Variants in SLC6A15 observed in about 807,000 individuals in gnomAD.
The protein encoded by SLC6A15 is sodium-dependent neutral amino acid transporter B(0)AT2.
In SLC6A15, 33 loss-of-function variants were observed where a neutral mutation model predicts 68.5. The observed-to-expected ratio is 0.48, with a 90% CI of 0.37 to 0.64. The LOEUF (loss-of-function observed/expected upper bound fraction) is 0.64. Among genes scored for constraint, SLC6A15 ranks in the 30% least tolerant of loss-of-function variants. SLC6A15 has a pLI of 0.00. For synonymous variants in SLC6A15, 347 were observed against 301.0 expected (o/e 1.15, Z -1.58); for missense variants, 747 against 874.3 (o/e 0.85, Z 1.84).
rs553380283 is a variant in SLC6A15, at chr12:84,882,340, C to T, written c.756+1519G>A. 1,101 of 984,592 alleles carry T rather than the reference C, an allele frequency of 1.1e-3. 2 individuals are homozygous for T. Among genetic ancestry groups the T allele is most frequent in the Middle Eastern group, 1.5e-3 (3 of 1,936 alleles). The allele number at this position is 984,592 out of a possible 1,614,324, so 61.0% of individuals were successfully genotyped here. ...GGAAGACATACACAATTGAACAATTCGAAGTTATTTAGTCATATAATACAA... is the reference window on the plus strand; with the variant it reads ...GGAAGACATACACAATTGAACAATTTGAAGTTATTTAGTCATATAATACAA... On this transcript the variant is annotated intron_variant, in intron 5 of 11. Transcript: ENST00000266682.
intron 8 of SLC6A15, among the ~76,000 whole-genome samples, chr12:84,872,116 C>G (rs112900906): frequency 0.02 from 2,986 of 150,408 alleles, 106 homozygotes; most frequent in African/African-American, 0.067. Context: ...AAGATCGCAC[C>G]ACTGCACCCC....
In SLC6A15 at chr12:84,870,521, C is replaced by T. The variant is rs138703696; in HGVS notation, c.1452G>A (p.Thr484=). The T allele has an allele frequency of 2.7e-4, 432 of 1,585,686 alleles. 2 individuals carry two copies. In the African/African-American group the frequency reaches 4.6e-3, roughly 17 times the overall value. Residue 484 remains threonine, a synonymous_variant, in exon 9 of 12, where the codon ACG becomes ACA. Coordinates refer to ENST00000266682, the MANE Select transcript of SLC6A15 (RefSeq NM_182767.6). The stretch of plus-strand genomic sequence containing the variant: ...TCACTTTGAAAGTGTCCACAATAGG[C>T]GTGACAATCCCTTCAATGGTTCCAA... The part of the protein sequence containing the change: ...SMFGTIEGIV[T]PIVDTFKVRK...
At chr12:84,887,352 T>A (rs114145668) in intron 2 of SLC6A15, among the ~76,000 whole-genome samples, 6,189 of 152,274 alleles carry the variant, frequency 0.041, 400 homozygotes, top group African/African-American at 0.14. Context: ...AGTGAGTAAC[T>A]GTATTCAGCT....
intron 1 of SLC6A15, among the ~76,000 whole-genome samples, chr12:84,896,106 A>G (rs953851758): frequency 1.3e-5 from 2 of 152,214 alleles, no homozygotes; most frequent in East Asian, 3.9e-4. Flanking sequence ...AGCAGCATCC[A>G]TTCTTGTGAT....
At chr12:84,883,549 C>A in intron 5 of SLC6A15, 1 of 1,316,806 alleles carries the variant, frequency 7.6e-7, no homozygotes, top group Non-Finnish European at 9.7e-7. Context: ...AATTAGAGAA[C>A]TGAAACATTA....
chr12:84,898,518 A>G (rs1371938636), intron 1 of SLC6A15, among the ~76,000 whole-genome samples: 1 of 152,194 alleles, frequency 6.6e-6, no homozygotes, highest in Non-Finnish European at 1.5e-5. Flanking sequence ...GATTTTAGAA[A>G]GAGACTATCT....
intron 10 of SLC6A15, among the ~76,000 whole-genome samples, chr12:84,865,709 C>T (rs184016088): frequency 6.6e-6 from 1 of 152,262 alleles, no homozygotes; most frequent in Admixed American, 6.5e-5. Context: ...GGGAATCTTA[C>T]AATATGTAAC....
At chr12:84,875,690 A>C (rs1871495393) in intron 6 of SLC6A15, among the ~76,000 whole-genome samples, 1 of 718 alleles carries the variant, frequency 1.4e-3, no homozygotes, top group Non-Finnish European at 3.0e-3. Context: ...ATATATATAT[A>C]TATATATATG....
chr12:84,875,962 T>A (rs1458777231), intron 6 of SLC6A15, among the ~76,000 whole-genome samples: 2 of 151,644 alleles, frequency 1.3e-5, no homozygotes, highest in East Asian at 3.9e-4. Context: ...CTCAAAAAAA[T>A]TAACTAAGAA....
intron 4 of SLC6A15, among the ~76,000 whole-genome samples, chr12:84,884,775 T>G (rs572165477): frequency 6.6e-6 from 1 of 152,132 alleles, no homozygotes; most frequent in Non-Finnish European, 1.5e-5. Context: ...AAATTTGAAC[T>G]AGATTTCAGA....
chr12:84,871,927 C>A (rs1871302770), intron 8 of SLC6A15, among the ~76,000 whole-genome samples: 1 of 152,144 alleles, frequency 6.6e-6, no homozygotes, highest in Admixed American at 6.5e-5. Context: ...CCAAGGCGGG[C>A]AGATCATGAG....
In SLC6A15 at chr12:84,891,959, T is replaced by G. The variant is rs374181917; in HGVS notation, c.162A>C (p.Gly54=). The change falls in exon 2 of 12, where the codon GGA becomes GGC. Residue 54 remains glycine, a synonymous_variant. Transcript: ENST00000266682. ...CTGGTCTTTCATCTTCGACTTCAGA[T>G]CCTTCTTCAACATCTGTATCTTTCT... ...QEEKDTDVEE[G]SEVEDERPAW... The G allele has an allele frequency of 4.1e-5, 66 of 1,614,060 alleles. No individual in the cohort carries two copies. Among genetic ancestry groups the G allele is most frequent in the African/African-American group, 9.3e-5 (7 of 75,028 alleles).
chr12:84,873,913 T>C (rs1871402291), intron 6 of SLC6A15, among the ~76,000 whole-genome samples: 1 of 152,234 alleles, frequency 6.6e-6, no homozygotes, highest in South Asian at 2.1e-4. Context: ...TAAGATACTC[T>C]TTCAGATCCA....
chr12:84,867,221 G>A (rs1423851425), intron 9 of SLC6A15, 28 bp from the exon 10 acceptor site: 2 of 1,552,732 alleles, frequency 1.3e-6, no homozygotes, highest in Non-Finnish European at 8.7e-7. Context: ...ATGAAAAAAT[G>A]AGACTCTATT....
chr12:84,861,535 A>T lies in SLC6A15; in HGVS notation c.*97T>A. 7.3e-7 allele frequency: 1 copy of T among 1,366,674 alleles called. No homozygotes were observed. The allele number at this position is 1,366,674 out of a possible 1,614,324, so 84.7% of individuals were successfully genotyped here. On this transcript the variant is annotated 3_prime_UTR_variant, in exon 12 of 12. Transcript: ENST00000266682. ...AGATCACAGCCACGGAACACCTGAGATTGCCCTCTGATAAGTGAAGCCTAA... is the reference window on the plus strand; with the variant it reads ...AGATCACAGCCACGGAACACCTGAGTTTGCCCTCTGATAAGTGAAGCCTAA...
At chr12:84,890,075 A>C (rs1872318675) in intron 2 of SLC6A15, among the ~76,000 whole-genome samples, 1 of 152,198 alleles carries the variant, frequency 6.6e-6, no homozygotes, top group African/African-American at 2.4e-5. Context: ...AGAAGACTCA[A>C]TGCCATACTG....
Position 84,885,461 on chromosome 12 carries a change from G to A in SLC6A15, c.548C>T (p.Pro183Leu). ...FQQPLPWDQC[P>L]LVKNASHTFV... ...AGTGTGTGAAGCATTTTTCACCAAA[G>A]GACACTGATCCCAAGGCAGGGGTTG... Residue 183 changes from proline (P) to leucine (L), a missense_variant, in exon 4 of 12, where the codon CCT (proline) becomes CTT (leucine). Physicochemically the swap from Pro to Leu is moderately conservative, Grantham distance 98. Transcript: ENST00000266682. The A allele has an allele frequency of 6.2e-7, 1 of 1,613,006 alleles. No homozygotes were observed. Among genetic ancestry groups the A allele is most frequent in the South Asian group, 1.1e-5 (1 of 90,984 alleles).
intron 1 of SLC6A15, among the ~76,000 whole-genome samples, chr12:84,899,548 A>G (rs568217669): frequency 6.6e-6 from 1 of 152,258 alleles, no homozygotes; most frequent in African/African-American, 2.4e-5. Context: ...TTTCATTGCC[A>G]AGCATCCCAT....
Position 84,896,287 on chromosome 12 carries a change from T to A in SLC6A15, c.-188-3979A>T, listed in dbSNP as rs1003068365. On this transcript the variant is annotated intron_variant, in intron 1 of 11. Transcript: ENST00000266682. ...GCCAAATACAACCCACCATCTGTAT[T>A]TTGTAAAAAAGATTGTATTGGCATG... Among the ~76,000 whole-genome samples the A allele has an allele frequency of 2.6e-5, 4 of 152,162 alleles. No individual in the cohort carries two copies. The South Asian group carries it at 8.3e-4, about 31-fold the overall frequency.
Sources: gnomAD v4.1 joint callset for allele counts (sites outside exome capture counted in the v4.1 genomes callset) on GRCh38, gnomAD v4.1.1 for gene constraint, MANE v1.5 for transcripts, NCBI Gene and HGNC (gene_info 2026-07-23, HGNC 2026-07-21) for gene names.